The following GSAP variants were observed in gnomAD, a reference collection of about 807,000 sequenced individuals.
GSAP encodes gamma-secretase activating protein.
GSAP carries 118 observed loss-of-function variants against 131.7 expected under a neutral mutation model. That is an observed-to-expected ratio of 0.90 (90% CI 0.77 to 1.04). The LOEUF (loss-of-function observed/expected upper bound fraction) is 1.04, where lower values mean the gene tolerates loss of function less well. Among genes scored for constraint, GSAP ranks in the 50% least tolerant of loss-of-function variants. The pLI, the probability that GSAP is intolerant of heterozygous loss-of-function variation, is 0.00. For missense variants in GSAP, 1,019 were observed against 1,013.2 expected, an observed-to-expected ratio of 1.01 and a Z score of -0.08; for synonymous variants, 381 against 363.4, an observed-to-expected ratio of 1.05 and a Z score of -0.55.
At chr7:77,342,178 G>A (rs950184002) in intron 19 of GSAP, among the ~76,000 whole-genome samples, 2 of 152,218 alleles carry the variant, frequency 1.3e-5, no homozygotes, top group African/African-American at 4.8e-5. Flanking sequence ...GACTGACGCT[G>A]CACCATCACC....
chr7:77,416,245 G>A lies in GSAP; in HGVS notation c.77C>T (p.Ser26Leu), dbSNP rs1026748196. ...GCCGCTTCCGGCCCCGCTGGCCTCC[G>A]ACACTGCCCGCTGCGCCCGCAACCA... ...LPWLRAQRAV[S>L]EASGAGSGGA... Residue 26 changes from serine (S) to leucine (L), a missense_variant, in exon 1 of 31, where the codon TCG becomes TTG. Transcript: ENST00000257626. 3.5e-5 allele frequency: 50 copies of A among 1,444,244 alleles called. No individual in the cohort carries two copies. The highest frequency in any genetic ancestry group is 1.5e-5 in the African/African-American group (1 of 64,518). 89.5% of individuals were successfully genotyped at this position (1,444,244 alleles called of 1,614,324 possible).
At chr7:77,347,352 T>G (rs1004966203) in intron 19 of GSAP, among the ~76,000 whole-genome samples, 9 of 152,014 alleles carry the variant, frequency 5.9e-5, no homozygotes, top group African/African-American at 2.2e-4. Flanking sequence ...GTGTGGAGGG[T>G]AGTCTTGGGG....
rs1332222820 is a variant in GSAP, at chr7:77,331,189, T to C, written c.1546-822A>G. On this transcript the variant is annotated intron_variant, in intron 19 of 30. Coordinates refer to ENST00000257626, the MANE Select transcript of GSAP (RefSeq NM_017439.4). ...AGTGGCGGGCGCTTGTAGTCCCAGCTACTCAGGAGGCTGAGGCAGGAGAGT... is the reference window on the plus strand; with the variant it reads ...AGTGGCGGGCGCTTGTAGTCCCAGCCACTCAGGAGGCTGAGGCAGGAGAGT... 3.3e-5 allele frequency among the ~76,000 whole-genome samples: 5 copies of C among 152,242 alleles called. No individual in the cohort carries two copies. The East Asian group carries it at 9.7e-4, about 29-fold the overall frequency.
At chr7:77,342,187 C>A (rs1193952660) in intron 19 of GSAP, among the ~76,000 whole-genome samples, 1 of 152,212 alleles carries the variant, frequency 6.6e-6, no homozygotes, top group Non-Finnish European at 1.5e-5. Context: ...TGCACCATCA[C>A]CTCAGAAGCC....
chr7:77,360,487 T>A (rs976177331), intron 14 of GSAP, among the ~76,000 whole-genome samples: 2 of 152,240 alleles, frequency 1.3e-5, no homozygotes, highest in African/African-American at 4.8e-5. Flanking sequence ...TTATTTCTCA[T>A]GGGCTATTTG....
At chr7:77,402,402 G>GAA (rs56837016) in intron 3 of GSAP, among the ~76,000 whole-genome samples, 27 of 121,378 alleles carry the variant, frequency 2.2e-4, no homozygotes, top group African/African-American at 7.4e-4. Flanking sequence ...AAAGAAAAAA[G>GAA]AAAAAAAAAA....
At chr7:77,402,409 A>AT (rs200688975) in intron 3 of GSAP, among the ~76,000 whole-genome samples, 7,819 of 132,678 alleles carry the variant, frequency 0.059, 291 homozygotes, top group South Asian at 0.19. Context: ...AAAGAAAAAA[A>AT]AAATATATAT....
chr7:77,348,958 G>A (rs1486598783), intron 19 of GSAP, among the ~76,000 whole-genome samples: 1 of 150,866 alleles, frequency 6.6e-6, no homozygotes, highest in South Asian at 2.1e-4. Context: ...GTGTGTGCAC[G>A]TGCACGTGCG....
intron 19 of GSAP, among the ~76,000 whole-genome samples, chr7:77,345,562 T>C (rs1378541047): frequency 6.6e-6 from 1 of 152,174 alleles, no homozygotes; most frequent in African/African-American, 2.4e-5. Context: ...AATGGCCGGT[T>C]TCTGCCTTAA....
At chr7:77,324,804 C>T (rs995826404) in intron 23 of GSAP, among the ~76,000 whole-genome samples, 5 of 144,298 alleles carry the variant, frequency 3.5e-5, no homozygotes, top group East Asian at 4.0e-4. Flanking sequence ...GCATGTTTGT[C>T]GTGTAAACAT....
intron 24 of GSAP, among the ~76,000 whole-genome samples, chr7:77,322,604 T>TTTA (rs1554375095): frequency 7.2e-5 from 10 of 138,724 alleles, no homozygotes; most frequent in African/African-American, 1.4e-4. Flanking sequence ...TTTTTTTTTT[T>TTTA]AAAGCAAGTT....
At chr7:77,373,783 G>T (rs1187410728) in intron 12 of GSAP, among the ~76,000 whole-genome samples, 2 of 152,188 alleles carry the variant, frequency 1.3e-5, no homozygotes, top group Non-Finnish European at 2.9e-5. Flanking sequence ...GATGAAGCAG[G>T]TGAGAAAATG....
At chr7:77,410,741 C>A (rs1803114316) in intron 1 of GSAP, among the ~76,000 whole-genome samples, 1 of 152,124 alleles carries the variant, frequency 6.6e-6, no homozygotes, top group Admixed American at 6.5e-5. Context: ...TACATTTTAT[C>A]CCAAACTGCT....
chr7:77,397,108 C>A, intron 4 of GSAP, 73 bp from the exon 5 acceptor site: 1 of 996,274 alleles, frequency 1.0e-6, no homozygotes, highest in South Asian at 1.4e-5. Context: ...CCAGTTTAAA[C>A]CTGAAATAGA....
chr7:77,339,157 T>A (rs1790504492), intron 19 of GSAP, among the ~76,000 whole-genome samples: 1 of 152,116 alleles, frequency 6.6e-6, no homozygotes, highest in South Asian at 2.1e-4. Context: ...AGAGAGGAGC[T>A]GAGGGTGGGA....
At chr7:77,314,626 G>A in intron 26 of GSAP, 137 bp from the exon 27 acceptor site, 6 of 877,956 alleles carry the variant, frequency 6.8e-6, no homozygotes, top group Non-Finnish European at 1.0e-5. Flanking sequence ...TTGAAAACAA[G>A]GTCCAAGTTT....
At chr7:77,355,530 T>C (rs1793550683) in intron 15 of GSAP, 25 bp downstream of exon 15, 7 of 1,568,388 alleles carry the variant, frequency 4.5e-6, no homozygotes, top group South Asian at 2.2e-5. Flanking sequence ...GGGCCACCTC[T>C]ACAAGAGAAA....
intron 23 of GSAP, among the ~76,000 whole-genome samples, chr7:77,325,994 G>A (rs918367488): frequency 1.3e-5 from 2 of 152,132 alleles, no homozygotes; most frequent in African/African-American, 2.4e-5. Flanking sequence ...ATGTATTGGT[G>A]TGATGCATGT....
At chr7:77,376,746 A>G in intron 10 of GSAP, 102 bp downstream of exon 10, 1 of 638,904 alleles carries the variant, frequency 1.6e-6, no homozygotes, top group Non-Finnish European at 2.8e-6. Flanking sequence ...CACTGCACCC[A>G]GCGTGTGCGA....
Sources: gnomAD v4.1 joint callset for allele counts (sites outside exome capture counted in the v4.1 genomes callset) on GRCh38, gnomAD v4.1.1 for gene constraint, MANE v1.5 for transcripts, NCBI Gene and HGNC (gene_info 2026-07-23, HGNC 2026-07-21) for gene names.